The following LRR1 variants were observed in gnomAD, a reference collection of about 807,000 sequenced individuals.
The protein encoded by LRR1 is leucine-rich repeat protein 1.
LRR1 carries 29 observed loss-of-function variants against 31.6 expected under a neutral mutation model. The observed-to-expected ratio is 0.92, with a 90% CI of 0.68 to 1.25. LRR1 has a LOEUF of 1.25. Ranked by LOEUF, LRR1 falls within the 50% of genes most tolerant of loss-of-function variation. The pLI, the probability that LRR1 is intolerant of heterozygous loss-of-function variation, is 0.00. For missense variants in LRR1, 485 were observed against 487.2 expected (o/e 1.00, Z 0.04); for synonymous variants, 179 against 181.4 (o/e 0.99, Z 0.10).
chr14:49,603,620 TG>T, intron 2 of LRR1: 5 of 1,065,574 alleles, frequency 4.7e-6, no homozygotes, highest in Non-Finnish European at 5.7e-6. Context: ...AACCCACAGG[TG>T]GGTGCCACCA....
At chr14:49,608,434 TTTTTTTTTTTTTTG>T (rs1882378739) in intron 3 of LRR1, among the ~76,000 whole-genome samples, 1 of 117,410 alleles carries the variant, frequency 8.5e-6, no homozygotes, top group African/African-American at 3.1e-5. Flanking sequence ...TTTTTTTTTT[TTTTTTTTTTTTTTG>T]GTCATAGGAC....
At chr14:49,612,753 G>A in intron 3 of LRR1, 1 of 557,170 alleles carries the variant, frequency 1.8e-6, no homozygotes, top group Non-Finnish European at 2.4e-6. Context: ...CCTATTATGT[G>A]CCAGCCTAAG....
chr14:49,599,959 G>A (rs71420141), intron 1 of LRR1: 27,480 of 1,539,138 alleles, frequency 0.018, 343 homozygotes, highest in Non-Finnish European at 0.02. Context: ...GGGCTCCGGG[G>A]GGACCATGCC....
Position 49,601,757 on chromosome 14 carries a change from G to A in LRR1, c.184-613G>A, listed in dbSNP as rs562713831. On this transcript the variant is annotated intron_variant, in intron 1 of 3. Transcript: ENST00000298288. ...TCCTGTTCTCAAAGGAGAGTTACTG[G>A]ACAGACAGAGCAGTAACATCCACCA... is the stretch of plus-strand genomic sequence containing the variant. 3.4e-5 allele frequency: 37 copies of A among 1,077,958 alleles called. No individual in the cohort carries two copies. In the African/African-American group the frequency reaches 6.2e-4, roughly 18 times the overall value. 66.8% of individuals were successfully genotyped at this position (1,077,958 alleles called of 1,614,324 possible). A position where few individuals can be genotyped will look rare whatever the true frequency, so the allele number is the denominator to read the frequency against.
intron 1 of LRR1, chr14:49,601,440 C>A: frequency 1.9e-6 from 1 of 526,598 alleles, no homozygotes; most frequent in Non-Finnish European, 3.4e-6. Flanking sequence ...GCAGATGCAA[C>A]AGCAATCATT....
At chr14:49,606,388 G>T (rs12434697) in intron 2 of LRR1, among the ~76,000 whole-genome samples, 32,856 of 148,880 alleles carry the variant, frequency 0.22, 3,822 homozygotes, top group Admixed American at 0.31. Context: ...GCCCAGGCTG[G>T]AGTGCAGTGG....
At position 49,608,105 on chromosome 14, in the gene LRR1, A is replaced by G; in HGVS notation, c.988A>G (p.Thr330Ala). 1 of 1,579,038 alleles carries G rather than the reference A, an allele frequency of 6.3e-7. No homozygotes were observed. Residue 330 changes from threonine to alanine, a missense_variant, in exon 3 of 4, where the codon ACC becomes GCC. This residue lies in a region of LRR1 where 210 missense variants were observed against 200.4 expected (regional missense o/e 1.05). Transcript: ENST00000298288. ...PLTLLESSARTILHNRIPYGS... is the reference protein window; with the variant it reads ...PLTLLESSARAILHNRIPYGS... ...AACTTTATTGGAATCTTCTGCACGAACCATATTACATAATAGGTAAGATTT... is the reference window on the plus strand; with the variant it reads ...AACTTTATTGGAATCTTCTGCACGAGCCATATTACATAATAGGTAAGATTT...
intron 2 of LRR1, 104 bp from the exon 3 acceptor site, chr14:49,607,296 G>T (rs2354445): frequency 0.51 from 593,075 of 1,163,202 alleles, 157,274 homozygotes; most frequent in Non-Finnish European, 0.54. Flanking sequence ...GTAAATCATT[G>T]TATCACATTC....
At chr14:49,610,289 AG>A (rs1566496972) in intron 3 of LRR1, among the ~76,000 whole-genome samples, 6 of 146,822 alleles carry the variant, frequency 4.1e-5, no homozygotes, top group African/African-American at 1.3e-4. Flanking sequence ...CTTGTTGCCC[AG>A]GCTGGAGTGC....
At chr14:49,603,330 T>A (rs766469566) in intron 2 of LRR1, among the ~76,000 whole-genome samples, 8 of 152,274 alleles carry the variant, frequency 5.3e-5, no homozygotes, top group Non-Finnish European at 1.0e-4. Flanking sequence ...GGAAGAAAAC[T>A]GGGTTTGCTT....
intron 3 of LRR1, among the ~76,000 whole-genome samples, chr14:49,609,415 A>G (rs958198404): frequency 6.7e-6 from 1 of 148,518 alleles, no homozygotes; most frequent in South Asian, 2.1e-4. Context: ...CATTTTATTT[A>G]TTTGTTTGAG....
At chr14:49,605,968 T>C (rs750973017) in intron 2 of LRR1, among the ~76,000 whole-genome samples, 13 of 152,182 alleles carry the variant, frequency 8.5e-5, no homozygotes, top group Admixed American at 2.0e-4. Flanking sequence ...GTCCTCATAC[T>C]GTATTTCCAA....
intron 1 of LRR1, 61 bp from the exon 2 acceptor site, chr14:49,602,309 A>G: frequency 1.4e-6 from 2 of 1,446,120 alleles, no homozygotes; most frequent in Non-Finnish European, 1.9e-6. Context: ...TCTAGTTGTA[A>G]TAAATGTTAC....
rs376006121 is a variant in LRR1 at position 49,607,710 on chromosome 14, A to C, written c.593A>C (p.Asp198Ala). The C allele has an allele frequency of 2.5e-5, 40 of 1,609,398 alleles. No individual in the cohort carries two copies. Among genetic ancestry groups the C allele is most frequent in the Non-Finnish European group, 3.1e-5 (36 of 1,178,396 alleles). The change falls in exon 3 of 4, where the codon GAC becomes GCC. Residue 198 changes from aspartate to alanine, a missense_variant. Physicochemically the swap from Asp to Ala is moderately radical, Grantham distance 126. Transcript: ENST00000298288. ...AAAAAGCTTCCAGCTACAATTGGAG[A>C]CCTCATACACCTTCAAGAACTTAAC... ...HIKKLPATIG[D>A]LIHLQELNLN...
chr14:49,607,930 A>G lies in LRR1; in HGVS notation c.813A>G (p.Leu271=), dbSNP rs140039928. ...AATTTCCTTGCAAGATAGGACAACT[A>G]ATAAACCTTCGCTTTTTGTCAGCAG... The part of the protein sequence containing the change: ...LIQFPCKIGQ[L]INLRFLSAAR... The change falls in exon 3 of 4, where the codon CTA becomes CTG. Residue 271 remains leucine (L), a synonymous_variant. Coordinates refer to ENST00000298288, the MANE Select transcript of LRR1 (RefSeq NM_152329.4). 89 of 1,614,062 alleles carry G rather than the reference A, an allele frequency of 5.5e-5. No homozygotes were observed. In the African/African-American group the frequency reaches 8.9e-4, roughly 16 times the overall value.
chr14:49,604,544 T>C (rs1412333452), intron 2 of LRR1, among the ~76,000 whole-genome samples: 2 of 151,826 alleles, frequency 1.3e-5, no homozygotes, highest in Non-Finnish European at 2.9e-5. Flanking sequence ...TACAAAAAAA[T>C]TAGCCAGGCA....
chr14:49,614,502 G>C lies in LRR1; in HGVS notation c.*6G>C, dbSNP rs780055900. The C allele has an allele frequency of 1.9e-6, 3 of 1,613,198 alleles. No individual in the cohort carries two copies. Among genetic ancestry groups the C allele is most frequent in the Non-Finnish European group, 2.5e-6 (3 of 1,179,650 alleles). ...CCTCTGATATGTTAAAGTAATGGGT[G>C]AGACCAGAAAAAGAAATTTCAATAA... On this transcript the variant is annotated 3_prime_UTR_variant, in exon 4 of 4. Transcript: ENST00000298288.
intron 1 of LRR1, chr14:49,601,765 G>A (rs940853546): frequency 5.4e-6 from 5 of 930,340 alleles, no homozygotes; most frequent in Admixed American, 2.5e-5. Context: ...TGGACAGACA[G>A]AGCAGTAACA....
chr14:49,613,629 A>C (rs879939207), intron 3 of LRR1, among the ~76,000 whole-genome samples: 5 of 151,776 alleles, frequency 3.3e-5, no homozygotes, highest in African/African-American at 4.8e-5. Flanking sequence ...CAACATGGTG[A>C]AACCTCGTCT....
Sources: gnomAD v4.1 joint callset for allele counts (sites outside exome capture counted in the v4.1 genomes callset) on GRCh38, gnomAD v4.1.1 for gene constraint, gnomAD v4.1.1 regional missense constraint, MANE v1.5 for transcripts, NCBI Gene and HGNC (gene_info 2026-07-23, HGNC 2026-07-21) for gene names.